Variants in SRSF1 observed in about 807,000 individuals in gnomAD.
SRSF1 encodes the protein serine/arginine-rich splicing factor 1.
In SRSF1, 1 loss-of-function variant was observed where a neutral mutation model predicts 25.9. The observed-to-expected ratio is 0.04, with a 90% CI of 0.01 to 0.18. The LOEUF (loss-of-function observed/expected upper bound fraction) is 0.18. Among genes scored for constraint, SRSF1 ranks in the 10% least tolerant of loss-of-function variants. The pLI is 1.00. For missense variants in SRSF1, 65 were observed against 350.5 expected (o/e 0.19, Z 6.50); for synonymous variants, 132 against 126.2 (o/e 1.05, Z -0.31).
In SRSF1 at chr17:58,001,772, TC is replaced by T. The variant is rs1301585350; in HGVS notation, c.*3633del. 6.6e-6 allele frequency among the ~76,000 whole-genome samples: 1 copy of T among 152,172 alleles called. No homozygotes were observed. Among genetic ancestry groups the T allele is most frequent in the Non-Finnish European group, 1.5e-5 (1 of 68,010 alleles). On this transcript the variant is annotated 3_prime_UTR_variant, in exon 4 of 4. Transcript: ENST00000258962. ...ACTATAAATAGGAGCAGTCCATACT[TC>T]CCATCACAGCTTTTAGCTGTCTGGT... is the stretch of plus-strand genomic sequence containing the variant.
rs2075390299 is a variant in SRSF1, at chr17:58,001,546, T to C, written c.*3860A>G. 6.6e-6 allele frequency among the ~76,000 whole-genome samples: 1 copy of C among 152,234 alleles called. No individual in the cohort carries two copies. The highest frequency in any genetic ancestry group is 1.5e-5 in the Non-Finnish European group (1 of 68,020). On this transcript the variant is annotated 3_prime_UTR_variant, in exon 4 of 4. Coordinates refer to ENST00000258962, the MANE Select transcript of SRSF1 (RefSeq NM_006924.5). The stretch of plus-strand genomic sequence containing the variant: ...CAAGGTGGGTTATTCAATCTGATGT[T>C]ATGAAAAGTAATTGCTTCTTAAAGA...
chr17:57,989,761 A>G, the SRSF1 span: 1 of 398,688 alleles, frequency 2.5e-6, no homozygotes, highest in Admixed American at 4.4e-5. Context: ...TTGGATCAGT[A>G]GCAGAAGCAG....
the SRSF1 span, chr17:57,990,716 GGTGA>G: frequency 1.3e-5 from 2 of 152,120 alleles, no homozygotes; most frequent in African/African-American, 2.4e-5. Flanking sequence ...AACAATTTTC[GGTGA>G]GTGAGTAAAT....
At position 58,006,815 on chromosome 17, in the gene SRSF1, TG is replaced by T. The variant is rs2143490524; in HGVS notation, c.194+128del. The T allele has an allele frequency of 3.5e-6, 4 of 1,151,882 alleles. No individual in the cohort carries two copies. In the South Asian group the frequency reaches 5.8e-5, roughly 17 times the overall value. The allele number at this position is 1,151,882 out of a possible 1,614,324, so 71.4% of individuals were successfully genotyped here. A position where few individuals can be genotyped will look rare whatever the true frequency, so the allele number is the denominator to read the frequency against. On this transcript the variant is annotated intron_variant, in intron 1 of 3. Transcript: ENST00000258962. ...CTCAGCTCCTTACTCGACTCCTGCA[TG>T]GGCGATACAGTCTCGCCCCAACCTC... is the stretch of plus-strand genomic sequence containing the variant.
At chr17:57,996,141 G>GTA (rs1476409118), downstream of SRSF1, among the ~76,000 whole-genome samples, 2 of 152,058 alleles carry the variant, frequency 1.3e-5, no homozygotes, top group African/African-American at 4.8e-5. Flanking sequence ...TAAGGTGCAG[G>GTA]TACTAGCATT....
In SRSF1 at chr17:58,006,075, G is replaced by A. The variant is rs2075424959; in HGVS notation, c.380-102C>T. ...AAGAGTACTTTAAAGTACTTAATAG[G>A]TGTACTTAAGTGATACCAGGTAAAG... On this transcript the variant is annotated intron_variant, in intron 2 of 3. Coordinates refer to ENST00000258962, the MANE Select transcript of SRSF1 (RefSeq NM_006924.5). 1.2e-5 allele frequency: 13 copies of A among 1,080,842 alleles called. 1 individual carries two copies. The highest frequency in any genetic ancestry group is 1.7e-5 in the Non-Finnish European group (13 of 763,384). 67.0% of individuals were successfully genotyped at this position (1,080,842 alleles called of 1,614,324 possible).
intron 1 of SRSF1, 170 bp from the exon 2 acceptor site, chr17:58,006,697 A>T: frequency 1.1e-6 from 1 of 910,248 alleles, no homozygotes; most frequent in Non-Finnish European, 1.6e-6. Flanking sequence ...GCTCCCAACC[A>T]CTACACCAGC....
chr17:58,006,600 A>C (rs2075430089), intron 1 of SRSF1, 73 bp from the exon 2 acceptor site: 4 of 1,480,200 alleles, frequency 2.7e-6, no homozygotes, highest in South Asian at 1.3e-5. Context: ...GAACCAGCAA[A>C]CCCCCCGCAC....
chr17:57,998,965 T>G (rs989662467), downstream of SRSF1, among the ~76,000 whole-genome samples: 1 of 152,232 alleles, frequency 6.6e-6, no homozygotes, highest in African/African-American at 2.4e-5. Flanking sequence ...GACAAGTTTG[T>G]GTCCTTTCCA....
chr17:57,999,577 A>G (rs1390748821), downstream of SRSF1, among the ~76,000 whole-genome samples: 1 of 152,220 alleles, frequency 6.6e-6, no homozygotes, highest in Non-Finnish European at 1.5e-5. Flanking sequence ...AAACCATCTA[A>G]CTTTAGAGCT....
chr17:58,002,728 C>A lies in SRSF1; in HGVS notation c.*2678G>T, dbSNP rs1470984261. 6.6e-6 allele frequency among the ~76,000 whole-genome samples: 1 copy of A among 152,200 alleles called. No individual in the cohort carries two copies. Among genetic ancestry groups the A allele is most frequent in the South Asian group, 2.1e-4 (1 of 4,832 alleles). On this transcript the variant is annotated 3_prime_UTR_variant, in exon 4 of 4. Transcript: ENST00000258962. ...AATGAGACTTGGGTTAAAAGTTCTACAGGCTGAGCATGGTGGCTCACACCT... is the reference window on the plus strand; with the variant it reads ...AATGAGACTTGGGTTAAAAGTTCTAAAGGCTGAGCATGGTGGCTCACACCT...
chr17:57,998,249 GTTATT>G (rs796502204), downstream of SRSF1, among the ~76,000 whole-genome samples: 36 of 152,254 alleles, frequency 2.4e-4, no homozygotes, highest in African/African-American at 7.0e-4. Flanking sequence ...CACTCTTGGT[GTTATT>G]TTATAGTTCA....
the SRSF1 span, chr17:57,989,411 AT>A: frequency 2.5e-6 from 1 of 397,908 alleles, no homozygotes. Context: ...AGATGGACGC[AT>A]TATTTTAAGA....
downstream of SRSF1, among the ~76,000 whole-genome samples, chr17:57,996,949 A>C (rs1261369883): frequency 6.6e-6 from 1 of 152,218 alleles, no homozygotes; most frequent in Non-Finnish European, 1.5e-5. Context: ...ACAACAAAAA[A>C]ACAACCAAAA....
intron 1 of SRSF1, 77 bp downstream of exon 1, chr17:58,006,867 T>C: frequency 6.5e-7 from 1 of 1,527,910 alleles, no homozygotes; most frequent in Non-Finnish European, 8.9e-7. Context: ...TTCCCCGTTC[T>C]CTATGTTAAG....
rs781455827 is a variant in SRSF1 at position 58,007,168 on chromosome 17, A to C, written c.-31T>G. On this transcript the variant is annotated 5_prime_UTR_variant, in exon 1 of 4. Transcript: ENST00000258962. ...TGACGAAAAGCGCGGACTCGAGAAC[A>C]GGCCTTCCCACCAAGCCTAGCGCAC... 8.1e-6 allele frequency: 13 copies of C among 1,611,404 alleles called. No homozygotes were observed. Among genetic ancestry groups the C allele is most frequent in the Middle Eastern group, 1.7e-4 (1 of 6,056 alleles).
At chr17:58,006,693 A>T (rs2075431283) in intron 1 of SRSF1, 166 bp from the exon 2 acceptor site, 1 of 929,418 alleles carries the variant, frequency 1.1e-6, no homozygotes, top group Non-Finnish European at 1.6e-6. Flanking sequence ...CCAGGCTCCC[A>T]ACCACTACAC....
chr17:58,006,600 A>AC (rs950222501), intron 1 of SRSF1, 73 bp from the exon 2 acceptor site: 11 of 1,480,192 alleles, frequency 7.4e-6, no homozygotes, highest in Middle Eastern at 2.3e-4. Context: ...GAACCAGCAA[A>AC]CCCCCCGCAC....
the SRSF1 span, chr17:57,991,821 T>TTAAC: frequency 6.6e-6 from 1 of 152,102 alleles, no homozygotes; most frequent in Non-Finnish European, 1.5e-5. Flanking sequence ...TCACCAGGAG[T>TTAAC]TATTTAACTG....
Sources: allele counts gnomAD v4.1 joint callset (sites outside exome capture counted in the v4.1 genomes callset), GRCh38; gene constraint gnomAD v4.1.1; transcripts MANE v1.5; gene names NCBI Gene and HGNC (gene_info 2026-07-23, HGNC 2026-07-21).